The following MYO5B variants were observed in gnomAD, a reference collection of about 807,000 sequenced individuals.
The protein encoded by MYO5B is unconventional myosin-Vb.
Under a neutral mutation model 229.3 loss-of-function variants are expected in MYO5B, and 143 were observed. That is an observed-to-expected ratio of 0.62 (90% CI 0.54 to 0.72). MYO5B has a LOEUF of 0.72. Ranked by LOEUF, MYO5B falls within the 30% of genes least tolerant of loss-of-function variation. The pLI is 0.00. For synonymous variants in MYO5B, 918 were observed against 885.2 expected, an observed-to-expected ratio of 1.04 and a Z score of -0.66; for missense variants, 2,321 against 2,331.0, an observed-to-expected ratio of 1.00 and a Z score of 0.09.
intron 1 of MYO5B, among the ~76,000 whole-genome samples, chr18:50,116,201 T>A (rs1467203660): frequency 1.3e-5 from 2 of 152,214 alleles, no homozygotes. Flanking sequence ...TGGCTACTTA[T>A]CTTTCACCAT....
chr18:49,914,364 C>A (rs2024989734), intron 17 of MYO5B, among the ~76,000 whole-genome samples: 1 of 152,216 alleles, frequency 6.6e-6, no homozygotes, highest in Admixed American at 6.5e-5. Flanking sequence ...ACTCTCCCGT[C>A]TCATACTCAG....
intron 14 of MYO5B, among the ~76,000 whole-genome samples, chr18:49,951,264 C>T (rs2025428251): frequency 6.6e-6 from 1 of 152,156 alleles, no homozygotes; most frequent in Non-Finnish European, 1.5e-5. Context: ...CAAATTATAG[C>T]CATAACTATA....
intron 2 of MYO5B, among the ~76,000 whole-genome samples, chr18:50,048,173 G>A (rs542859190): frequency 2.0e-5 from 3 of 150,706 alleles, no homozygotes; most frequent in South Asian, 2.1e-4. Context: ...TAACAGTCCC[G>A]TGTTTAAGTT....
At chr18:50,039,218 A>G (rs1405370678) in intron 3 of MYO5B, among the ~76,000 whole-genome samples, 3 of 152,200 alleles carry the variant, frequency 2.0e-5, no homozygotes, top group Non-Finnish European at 4.4e-5. Context: ...TGCCTCTCAA[A>G]CAACGGTTTA....
rs780436542 is a variant in MYO5B at position 49,902,572 on chromosome 18, G to C, written c.2811+22C>G. The C allele has an allele frequency of 3.7e-6, 6 of 1,608,612 alleles. No individual in the cohort carries two copies. In the Admixed American group the frequency reaches 1.0e-4, roughly 27 times the overall value. ...CAGTACCCAAGCCCCCGACACCCAG[G>C]TAGGGAGCTGCAGACACTGACCTGC... On this transcript the variant is annotated intron_variant, in intron 21 of 39. Coordinates refer to ENST00000285039, the MANE Select transcript of MYO5B (RefSeq NM_001080467.3).
At chr18:50,162,991 G>A (rs2032792246) in intron 1 of MYO5B, among the ~76,000 whole-genome samples, 1 of 152,170 alleles carries the variant, frequency 6.6e-6, no homozygotes, top group Admixed American at 6.5e-5. Context: ...GGTTGAGGCA[G>A]TCATGTTTTA....
At position 49,826,353 on chromosome 18, in the gene MYO5B, G is replaced by A. The variant is rs200099625; in HGVS notation, c.*118C>T. The stretch of plus-strand genomic sequence containing the variant: ...TATAGTTCAGCACCCTCCACAGGCT[G>A]TCAATCTCTGATTTGATCTACTTTT... On this transcript the variant is annotated 3_prime_UTR_variant, in exon 40 of 40. Coordinates refer to ENST00000285039, the MANE Select transcript of MYO5B (RefSeq NM_001080467.3). 7.8e-7 allele frequency: 1 copy of A among 1,283,810 alleles called. No homozygotes were observed. The highest frequency in any genetic ancestry group is 1.3e-5 in the South Asian group (1 of 78,586). 79.5% of individuals were successfully genotyped at this position (1,283,810 alleles called of 1,614,324 possible). A position where few individuals can be genotyped will look rare whatever the true frequency, so the allele number is the denominator to read the frequency against.
chr18:49,864,519 T>C (rs909387911), intron 27 of MYO5B, 139 bp from the exon 28 acceptor site: 11 of 1,240,524 alleles, frequency 8.9e-6, no homozygotes, highest in Non-Finnish European at 1.2e-5. Flanking sequence ...AAGTTCTGAC[T>C]GCCATCAGCA....
intron 22 of MYO5B, among the ~76,000 whole-genome samples, chr18:49,892,302 T>C (rs912105777): frequency 1.3e-5 from 2 of 152,194 alleles, no homozygotes; most frequent in Admixed American, 6.5e-5. Flanking sequence ...ATCTAACCTA[T>C]GCGACAGAGC....
rs1414042498 is a variant in MYO5B at position 49,877,748 on chromosome 18, G to A, written c.3396+15C>T. 1.2e-6 allele frequency: 2 copies of A among 1,613,654 alleles called. No homozygotes were observed. Among genetic ancestry groups the A allele is most frequent in the African/African-American group, 2.7e-5 (2 of 74,904 alleles). On this transcript the variant is annotated intron_variant, in intron 25 of 39. Transcript: ENST00000285039. ...CTCTGGAGGAGGACAGTACCCAAGAGCCTGCATCACTCACCTCCACCTGCT... is the reference window on the plus strand; with the variant it reads ...CTCTGGAGGAGGACAGTACCCAAGAACCTGCATCACTCACCTCCACCTGCT...
intron 1 of MYO5B, among the ~76,000 whole-genome samples, chr18:50,171,537 G>C (rs1568132279): frequency 2.3e-5 from 3 of 127,906 alleles, no homozygotes; most frequent in African/African-American, 8.9e-5. Flanking sequence ...TTCTGCTGGG[G>C]AAACAGTGGA....
intron 1 of MYO5B, among the ~76,000 whole-genome samples, chr18:50,105,732 A>G (rs1344188937): frequency 6.6e-6 from 1 of 152,008 alleles, no homozygotes; most frequent in Non-Finnish European, 1.5e-5. Context: ...TAAGAAAACC[A>G]CTGCTCTAGA....
chr18:50,042,577 C>G (rs1453144691), intron 2 of MYO5B, among the ~76,000 whole-genome samples: 1 of 152,128 alleles, frequency 6.6e-6, no homozygotes, highest in Non-Finnish European at 1.5e-5. Context: ...AAGGTGGGAA[C>G]AGGGGGAAAT....
intron 1 of MYO5B, among the ~76,000 whole-genome samples, chr18:50,168,520 A>G (rs996255488): frequency 1.2e-4 from 19 of 152,190 alleles, no homozygotes; most frequent in African/African-American, 3.9e-4. Context: ...AGTCCCCAGG[A>G]TAAGCTGGGG....
chr18:50,153,647 GC>G (rs1227191821), intron 1 of MYO5B, among the ~76,000 whole-genome samples: 2 of 152,060 alleles, frequency 1.3e-5, no homozygotes, highest in African/African-American at 4.8e-5. Context: ...ACAGGGTTTC[GC>G]CATGTTGGCC....
chr18:49,980,361 T>C (rs1271864093), intron 9 of MYO5B, 83 bp downstream of exon 9: 9 of 1,007,484 alleles, frequency 8.9e-6, no homozygotes, highest in African/African-American at 1.6e-5. Context: ...GAGTGTCCTC[T>C]AACTGGAAAG....
At chr18:49,849,266 C>A (rs936528638) in intron 32 of MYO5B, among the ~76,000 whole-genome samples, 2 of 152,208 alleles carry the variant, frequency 1.3e-5, no homozygotes, top group African/African-American at 4.8e-5. Flanking sequence ...CAACTTCAAG[C>A]CGTTTGAGGG....
chr18:50,088,007 G>C (rs988584326), intron 1 of MYO5B, among the ~76,000 whole-genome samples: 1 of 152,200 alleles, frequency 6.6e-6, no homozygotes, highest in East Asian at 1.9e-4. Context: ...AAAAGGTTTA[G>C]TGGAAGCAGG....
chr18:50,000,075 G>T (rs2026029498), intron 5 of MYO5B, among the ~76,000 whole-genome samples: 1 of 152,204 alleles, frequency 6.6e-6, no homozygotes, highest in African/African-American at 2.4e-5. Context: ...AACTCTGAAG[G>T]CAGGAGATTT....
Sources: allele counts gnomAD v4.1 joint callset (sites outside exome capture counted in the v4.1 genomes callset), GRCh38; gene constraint gnomAD v4.1.1; transcripts MANE v1.5; gene names NCBI Gene and HGNC (gene_info 2026-07-23, HGNC 2026-07-21).